GSPT1: variants seen among roughly 807,000 people sequenced by gnomAD.
GSPT1 encodes the protein G1 to S phase transition 1, also known as eukaryotic peptide chain release factor GTP-binding subunit ERF3A.
GSPT1 carries 20 observed loss-of-function variants against 72.5 expected under a neutral mutation model. That is an observed-to-expected ratio of 0.28 (90% CI 0.19 to 0.40). The LOEUF is 0.40. Ranked by LOEUF, GSPT1 falls within the 10% of genes least tolerant of loss-of-function variation. The pLI is 1.00. For synonymous variants in GSPT1, 334 were observed against 293.5 expected (o/e 1.14, Z -1.41); for missense variants, 580 against 811.9 (o/e 0.71, Z 3.47).
At chr16:11,882,486 T>C (rs976101058) in intron 11 of GSPT1, 2 of 152,640 alleles carry the variant, frequency 1.3e-5, no homozygotes, top group Admixed American at 6.5e-5. Context: ...CTTTTTCTAA[T>C]TTACTCTGCC....
At chr16:11,891,717 C>T (rs780288768) in intron 5 of GSPT1, among the ~76,000 whole-genome samples, 27 of 141,132 alleles carry the variant, frequency 1.9e-4, no homozygotes, top group Non-Finnish European at 3.3e-4. Context: ...GGGTGGAGTG[C>T]AGTGGCGTGA....
intron 1 of GSPT1, among the ~76,000 whole-genome samples, chr16:11,902,905 T>TG (rs1349070545): frequency 1.3e-5 from 2 of 151,722 alleles, no homozygotes; most frequent in African/African-American, 4.8e-5. Context: ...TTTATAGAGA[T>TG]GGTGTTTCAA....
intron 5 of GSPT1, 45 bp downstream of exon 5, chr16:11,894,909 T>G (rs1489267243): frequency 8.0e-7 from 1 of 1,243,682 alleles, no homozygotes; most frequent in Admixed American, 1.9e-5. Flanking sequence ...CTAAAATTCA[T>G]TACATCAATT....
chr16:11,909,908 A>C (rs942946101), intron 1 of GSPT1, among the ~76,000 whole-genome samples: 3 of 151,762 alleles, frequency 2.0e-5, no homozygotes, highest in Non-Finnish European at 4.4e-5. Context: ...CCTGTGACAG[A>C]GCGAAACTCC....
At chr16:11,875,014 AC>A (rs2141272067) in intron 14 of GSPT1, among the ~76,000 whole-genome samples, 2 of 152,264 alleles carry the variant, frequency 1.3e-5, no homozygotes, top group South Asian at 4.1e-4. Flanking sequence ...ACGTGGTGAA[AC>A]CCCGTCTCTA....
At chr16:11,916,090 T>C (rs1279406336), upstream of GSPT1, 19 of 489,848 alleles carry the variant, frequency 3.9e-5, no homozygotes, top group Middle Eastern at 4.1e-4. Flanking sequence ...TCCGGCTATT[T>C]AGCGCGGCGG....
At chr16:11,902,331 G>A (rs1459409130) in intron 1 of GSPT1, among the ~76,000 whole-genome samples, 2 of 142,200 alleles carry the variant, frequency 1.4e-5, no homozygotes, top group African/African-American at 2.7e-5. Flanking sequence ...GCAGTGAGCC[G>A]AGATCGCACC....
At chr16:11,900,401 G>A (rs981521821) in intron 1 of GSPT1, among the ~76,000 whole-genome samples, 1 of 151,824 alleles carries the variant, frequency 6.6e-6, no homozygotes, top group Non-Finnish European at 1.5e-5. Flanking sequence ...GCCAGACAAG[G>A]ATAAAAGTAC....
chr16:11,879,281 G>A (rs1241599923), intron 11 of GSPT1, among the ~76,000 whole-genome samples: 2 of 151,634 alleles, frequency 1.3e-5, no homozygotes, highest in Non-Finnish European at 2.9e-5. Context: ...TGTAATCCCA[G>A]CTACTCGGGA....
rs759948653 is a variant in GSPT1 at position 11,897,979 on chromosome 16, A to G, written c.394+15T>C. On this transcript the variant is annotated intron_variant, in intron 2 of 14. Coordinates refer to ENST00000434724, the MANE Select transcript of GSPT1 (RefSeq NM_002094.4). ...AATGTTTTCTCAAGTAGACTTTCAA[A>G]GAGTACATCATTACCTTCACACAAT... 48 of 1,538,046 alleles carry G rather than the reference A, an allele frequency of 3.1e-5. No individual in the cohort carries two copies. Among genetic ancestry groups the G allele is most frequent in the South Asian group, 2.0e-4 (17 of 84,166 alleles).
intron 1 of GSPT1, 135 bp downstream of exon 1, chr16:11,915,234 A>G: frequency 8.7e-7 from 1 of 1,147,560 alleles, no homozygotes; most frequent in African/African-American, 1.6e-5. Flanking sequence ...GGGGCGCCCC[A>G]CCCAGGCAGA....
At chr16:11,896,520 T>C (rs1426926906) in intron 4 of GSPT1, 38 bp downstream of exon 4, 4 of 1,097,192 alleles carry the variant, frequency 3.6e-6, no homozygotes, top group African/African-American at 1.5e-5. Context: ...CTATGTTTTA[T>C]GTATCCAGTA....
rs2054056824 is a variant in GSPT1 at position 11,877,006 on chromosome 16, C to T, written c.1602+401G>A. Among the ~76,000 whole-genome samples, 1 of 152,180 alleles carries T rather than the reference C, an allele frequency of 6.6e-6. No homozygotes were observed. The highest frequency in any genetic ancestry group is 1.5e-5 in the Non-Finnish European group (1 of 68,032). On this transcript the variant is annotated intron_variant, in intron 12 of 14. Coordinates refer to ENST00000434724, the MANE Select transcript of GSPT1 (RefSeq NM_002094.4). This position sits in a 1 kb window ranked among gnomAD's most constrained non-coding sequence, Gnocchi z 4.0. Reference sequence around the variant, plus strand: ...CACCAGTCACTTACTCTGTCATTCTCCCAGGGAGGTTAGATTGTTAATAAC... The same window carrying T: ...CACCAGTCACTTACTCTGTCATTCTTCCAGGGAGGTTAGATTGTTAATAAC...
intron 2 of GSPT1, 50 bp downstream of exon 2, chr16:11,897,944 T>G (rs1368819848): frequency 2.1e-6 from 3 of 1,436,912 alleles, no homozygotes; most frequent in African/African-American, 1.4e-5. Context: ...ACACACCATA[T>G]AGACAACCTA....
rs1295798894 is a variant in GSPT1 at position 11,877,935 on chromosome 16, A to T, written c.1429-355T>A. Among the ~76,000 whole-genome samples the T allele has an allele frequency of 6.6e-6, 1 of 152,196 alleles. No homozygotes were observed. Among genetic ancestry groups the T allele is most frequent in the Non-Finnish European group, 1.5e-5 (1 of 68,034 alleles). ...ATAATTTTTATTATTATGGAATTCT[A>T]TGAAGGATTTAATAAACCTGTCTTC... On this transcript the variant is annotated intron_variant, in intron 11 of 14. Coordinates refer to ENST00000434724, the MANE Select transcript of GSPT1 (RefSeq NM_002094.4). The surrounding 1 kb of genome is among the most constrained non-coding windows in gnomAD (Gnocchi z 4.0).
intron 10 of GSPT1, among the ~76,000 whole-genome samples, chr16:11,884,658 G>C (rs893786156): frequency 6.6e-6 from 1 of 151,954 alleles, no homozygotes; most frequent in Non-Finnish European, 1.5e-5. Context: ...CAGCTACTCA[G>C]GAGGCTGAGG....
intron 14 of GSPT1, among the ~76,000 whole-genome samples, chr16:11,874,521 G>A (rs2054016524): frequency 7.0e-6 from 1 of 142,156 alleles, no homozygotes. Context: ...ATAATTCTAG[G>A]GTTAAGAATT....
chr16:11,911,506 C>T (rs367982197), intron 1 of GSPT1, among the ~76,000 whole-genome samples: 3 of 151,934 alleles, frequency 2.0e-5, no homozygotes, highest in African/African-American at 7.3e-5. Flanking sequence ...CCACCTCAAC[C>T]TCCCAAGTAG....
At chr16:11,875,653 C>T (rs1244473539) in intron 14 of GSPT1, 108 bp downstream of exon 14, 4 of 725,468 alleles carry the variant, frequency 5.5e-6, no homozygotes, top group East Asian at 2.6e-5. Context: ...GAATGTGAAT[C>T]GAAGTTTTCT....
Sources: allele counts gnomAD v4.1 joint callset (sites outside exome capture counted in the v4.1 genomes callset), GRCh38; gene constraint gnomAD v4.1.1; non-coding constraint Gnocchi (gnomAD v3.1); transcripts MANE v1.5; gene names NCBI Gene and HGNC (gene_info 2026-07-23, HGNC 2026-07-21).